Variants in MYO5A observed in about 807,000 individuals in gnomAD.
The protein encoded by MYO5A is unconventional myosin-Va.
Under a neutral mutation model 249.7 loss-of-function variants are expected in MYO5A, and 98 were observed. That is an observed-to-expected ratio of 0.39 (90% CI 0.33 to 0.46). The LOEUF (loss-of-function observed/expected upper bound fraction) is 0.46. MYO5A is among the 20% of genes least tolerant of loss of function. The pLI is 0.98. For synonymous variants in MYO5A, 778 were observed against 810.6 expected, an observed-to-expected ratio of 0.96 and a Z score of 0.68; for missense variants, 1,696 against 2,308.8, an observed-to-expected ratio of 0.73 and a Z score of 5.44.
chr15:52,395,145 G>C (rs1378993405), intron 11 of MYO5A, among the ~76,000 whole-genome samples: 1 of 151,956 alleles, frequency 6.6e-6, no homozygotes. Context: ...AATTCCCTTA[G>C]GTATTTCTTC....
chr15:52,484,264 G>A (rs1305325553), intron 1 of MYO5A, among the ~76,000 whole-genome samples: 1 of 152,202 alleles, frequency 6.6e-6, no homozygotes, highest in African/African-American at 2.4e-5. Flanking sequence ...TAGAATGCAA[G>A]GAACTAGAAC....
chr15:52,528,827 G>A lies in MYO5A; in HGVS notation c.-21C>T, dbSNP rs2077773221. The A allele has an allele frequency of 4.7e-6, 7 of 1,474,276 alleles. No homozygotes were observed. Among genetic ancestry groups the A allele is most frequent in the Non-Finnish European group, 5.4e-6 (6 of 1,117,462 alleles). The allele number at this position is 1,474,276 out of a possible 1,614,324, so 91.3% of individuals were successfully genotyped here. The stretch of plus-strand genomic sequence containing the variant: ...GCCATGGCGGGCCCCGCGCGCCTAC[G>A]CCCCCCGCCTGTGCGGAGGCCGCAC... On this transcript the variant is annotated 5_prime_UTR_variant, in exon 1 of 42. Coordinates refer to ENST00000399233, the MANE Select transcript of MYO5A (RefSeq NM_001382347.1).
At chr15:52,479,944 C>T (rs1342219186) in intron 1 of MYO5A, among the ~76,000 whole-genome samples, 2 of 147,762 alleles carry the variant, frequency 1.4e-5, no homozygotes, top group East Asian at 4.0e-4. Context: ...TGTGTGTATT[C>T]CTGAAGAGAT....
At chr15:52,495,042 A>G (rs980334255) in intron 1 of MYO5A, among the ~76,000 whole-genome samples, 2 of 152,202 alleles carry the variant, frequency 1.3e-5, no homozygotes, top group Non-Finnish European at 2.9e-5. Flanking sequence ...TATGATATAT[A>G]TATATCCATA....
chr15:52,425,628 G>A (rs1417017269), intron 4 of MYO5A, among the ~76,000 whole-genome samples: 1 of 152,106 alleles, frequency 6.6e-6, no homozygotes, highest in Non-Finnish European at 1.5e-5. Flanking sequence ...CCAAAGTGCT[G>A]GGAATACAGA....
chr15:52,518,478 C>T (rs994298114), intron 1 of MYO5A, among the ~76,000 whole-genome samples: 12 of 152,060 alleles, frequency 7.9e-5, no homozygotes, highest in Non-Finnish European at 1.6e-4. Flanking sequence ...GACCAAAATT[C>T]CTTATTATTA....
intron 32 of MYO5A, 95 bp from the exon 33 acceptor site, chr15:52,337,979 A>C (rs143438402): frequency 9.8e-6 from 8 of 817,522 alleles, no homozygotes; most frequent in Non-Finnish European, 1.5e-5. Context: ...ATTTTAAAAT[A>C]CAAATAGTGA....
chr15:52,413,591 A>C (rs2043343228), intron 5 of MYO5A, among the ~76,000 whole-genome samples: 1 of 152,166 alleles, frequency 6.6e-6, no homozygotes, highest in Admixed American at 6.5e-5. Context: ...ACATCTCAGC[A>C]AAGGGCTCTG....
chr15:52,501,853 GAC>G (rs1165886659), intron 1 of MYO5A, among the ~76,000 whole-genome samples: 1 of 134,688 alleles, frequency 7.4e-6, no homozygotes, highest in Non-Finnish European at 1.6e-5. Context: ...CATACACACA[GAC>G]ACACACACAC....
chr15:52,409,054 G>C (rs1465120584), intron 6 of MYO5A, among the ~76,000 whole-genome samples: 3 of 152,038 alleles, frequency 2.0e-5, no homozygotes, highest in African/African-American at 2.4e-5. Flanking sequence ...TGCCTTTTCT[G>C]ATTGTGTGAC....
intron 10 of MYO5A, among the ~76,000 whole-genome samples, chr15:52,396,605 T>C (rs2042496918): frequency 6.6e-6 from 1 of 151,156 alleles, no homozygotes; most frequent in East Asian, 1.9e-4. Flanking sequence ...AGCAGAGAGG[T>C]TTTTTTTGTT....
intron 7 of MYO5A, among the ~76,000 whole-genome samples, chr15:52,407,836 A>G (rs2043075221): frequency 6.6e-6 from 1 of 152,262 alleles, no homozygotes; most frequent in East Asian, 1.9e-4. Flanking sequence ...CTCATCTTAA[A>G]CAGCCATCTA....
chr15:52,420,745 C>T (rs1465387331), intron 4 of MYO5A, among the ~76,000 whole-genome samples: 1 of 152,074 alleles, frequency 6.6e-6, no homozygotes, highest in Non-Finnish European at 1.5e-5. Flanking sequence ...GATAAAAAAG[C>T]ATGGAGCAAG....
intron 1 of MYO5A, among the ~76,000 whole-genome samples, chr15:52,483,322 C>A (rs748827348): frequency 6.6e-6 from 1 of 152,156 alleles, no homozygotes; most frequent in Admixed American, 6.5e-5. Context: ...ATCAGCTTGG[C>A]TGGATCATTT....
At chr15:52,477,975 G>C (rs1693489) in intron 1 of MYO5A, among the ~76,000 whole-genome samples, 118,842 of 152,134 alleles carry the variant, frequency 0.78, 46,980 homozygotes, top group South Asian at 0.85. Context: ...AGAAGTTTCT[G>C]CTGCCTTTTG....
intron 9 of MYO5A, among the ~76,000 whole-genome samples, chr15:52,402,720 C>T (rs191884522): frequency 2.6e-5 from 4 of 152,244 alleles, no homozygotes; most frequent in African/African-American, 9.6e-5. Context: ...TGGCACACAC[C>T]TGTAATCCCA....
At chr15:52,483,660 A>G (rs996196942) in intron 1 of MYO5A, among the ~76,000 whole-genome samples, 2 of 152,116 alleles carry the variant, frequency 1.3e-5, no homozygotes, top group Admixed American at 6.6e-5. Flanking sequence ...CCACTCCCCA[A>G]CATTCTATGG....
chr15:52,499,213 G>C (rs1403036591), intron 1 of MYO5A, among the ~76,000 whole-genome samples: 3 of 152,162 alleles, frequency 2.0e-5, no homozygotes, highest in Admixed American at 2.0e-4. Flanking sequence ...TTTACCATAA[G>C]ACATTAAAGA....
Position 52,313,527 on chromosome 15 carries a change from G to A in MYO5A, c.*169C>T. On this transcript the variant is annotated 3_prime_UTR_variant, in exon 42 of 42. Transcript: ENST00000399233. The stretch of plus-strand genomic sequence containing the variant: ...ACACAGCACGAAAGAGCCTATCTTT[G>A]TTTCCAAAGTGATGAAAGTATTCTA... The A allele has an allele frequency of 1.1e-6, 1 of 873,838 alleles. No individual in the cohort carries two copies. The highest frequency in any genetic ancestry group is 1.8e-6 in the Non-Finnish European group (1 of 563,248). The allele number at this position is 873,838 out of a possible 1,614,324, so 54.1% of individuals were successfully genotyped here. A position where few individuals can be genotyped will look rare whatever the true frequency, so the allele number is the denominator to read the frequency against.
Sources: gnomAD v4.1 joint callset for allele counts (sites outside exome capture counted in the v4.1 genomes callset) on GRCh38, gnomAD v4.1.1 for gene constraint, MANE v1.5 for transcripts, NCBI Gene and HGNC (gene_info 2026-07-23, HGNC 2026-07-21) for gene names.